SHANK2: variants seen among roughly 807,000 people sequenced by gnomAD.
SHANK2 encodes SH3 and multiple ankyrin repeat domains protein 2.
In SHANK2, 43 loss-of-function variants were observed where a neutral mutation model predicts 133.7. The observed-to-expected ratio is 0.32, with a 90% CI of 0.25 to 0.41. The LOEUF is 0.41. Ranked by LOEUF, SHANK2 falls within the 10% of genes least tolerant of loss-of-function variation. The pLI, the probability that SHANK2 is intolerant of heterozygous loss-of-function variation, is 1.00. For missense variants in SHANK2, 1,994 were observed against 2,235.8 expected, an observed-to-expected ratio of 0.89 and a Z score of 2.18; for synonymous variants, 1,017 against 952.8, an observed-to-expected ratio of 1.07 and a Z score of -1.24.
intron 14 of SHANK2, among the ~76,000 whole-genome samples, chr11:70,718,002 C>T (rs1284449174): frequency 6.6e-6 from 1 of 152,208 alleles, no homozygotes; most frequent in Non-Finnish European, 1.5e-5. Context: ...AAGCCCCAGA[C>T]TGGAGCCGCG....
chr11:70,718,576 T>C (rs568717614), intron 14 of SHANK2, among the ~76,000 whole-genome samples: 1 of 152,186 alleles, frequency 6.6e-6, no homozygotes, highest in Non-Finnish European at 1.5e-5. Flanking sequence ...CTGAGCCTCC[T>C]TCCAAATACC....
At chr11:70,931,921 A>C (rs1468915682) in intron 10 of SHANK2, among the ~76,000 whole-genome samples, 1 of 152,258 alleles carries the variant, frequency 6.6e-6, no homozygotes, top group Non-Finnish European at 1.5e-5. Context: ...AAGCCTGTAG[A>C]AATCCTAGCA....
intron 2 of SHANK2, among the ~76,000 whole-genome samples, chr11:71,189,074 G>T (rs549765996): frequency 2.0e-5 from 3 of 152,348 alleles, no homozygotes; most frequent in African/African-American, 7.2e-5. Flanking sequence ...GGCTCTCCGG[G>T]TTGGGTTGTG....
At position 70,486,707 on chromosome 11, in the gene SHANK2, C is replaced by T. The variant is rs1555153794; in HGVS notation, c.3586G>A (p.Ala1196Thr). 3 of 1,610,500 alleles carry T rather than the reference C, an allele frequency of 1.9e-6. No individual in the cohort carries two copies. Among genetic ancestry groups the T allele is most frequent in the Non-Finnish European group, 2.5e-6 (3 of 1,179,938 alleles). The stretch of plus-strand genomic sequence containing the variant: ...GGGTGGACATAATTCCCGGGGCCGG[C>T]TGTGCCGCTGCTCGCGGAGGGCACT... The part of the protein sequence containing the change: ...PAVPSASSGT[A>T]GPGNYVHPLT... The change falls in exon 25 of 26, where the codon GCC becomes ACC. Residue 1196 changes from alanine (A) to threonine (T), a missense_variant. Physicochemically the swap from Ala to Thr is moderately conservative, Grantham distance 58 (BLOSUM62 0). This residue lies in a region of SHANK2 where 797 missense variants were observed against 907.4 expected (regional missense o/e 0.88). Transcript: ENST00000601538. This position sits in a 1 kb window ranked among gnomAD's most constrained non-coding sequence, Gnocchi z 8.0.
At chr11:70,899,429 C>G (rs1949992677) in intron 10 of SHANK2, among the ~76,000 whole-genome samples, 1 of 152,194 alleles carries the variant, frequency 6.6e-6, no homozygotes, top group Non-Finnish European at 1.5e-5. Context: ...AACCTCTTTT[C>G]TTTATAAATC....
At chr11:70,616,329 G>A (rs1375408039) in intron 17 of SHANK2, among the ~76,000 whole-genome samples, 1 of 152,104 alleles carries the variant, frequency 6.6e-6, no homozygotes, top group Non-Finnish European at 1.5e-5. Flanking sequence ...TGGGCTGTCG[G>A]AACTGGCTCC....
At chr11:70,939,258 T>C (rs967273807) in intron 10 of SHANK2, among the ~76,000 whole-genome samples, 2 of 152,132 alleles carry the variant, frequency 1.3e-5, no homozygotes, top group Admixed American at 1.3e-4. Flanking sequence ...GCAGATCACC[T>C]GAGGTCAGGA....
intron 14 of SHANK2, among the ~76,000 whole-genome samples, chr11:70,725,412 G>A (rs1202662477): frequency 6.6e-6 from 1 of 152,244 alleles, no homozygotes. Flanking sequence ...ACATGGCGCT[G>A]AGGGCTTGCC....
chr11:70,531,254 G>C lies in SHANK2; in HGVS notation c.2062-28323C>G, dbSNP rs142429656. Among the ~76,000 whole-genome samples, 815 of 152,218 alleles carry C rather than the reference G, an allele frequency of 5.4e-3. 7 individuals carry two copies. Among genetic ancestry groups the C allele is most frequent in the African/African-American group, 0.019 (788 of 41,546 alleles). On this transcript the variant is annotated intron_variant, in intron 17 of 25. Coordinates refer to ENST00000601538, the MANE Select transcript of SHANK2 (RefSeq NM_012309.5). ...AAATAATAACTTTTTAAAAGGGAGA[G>C]GCATGGCCCAGGCCCAGGCGCCTCA...
chr11:71,146,018 T>G (rs532208135), intron 3 of SHANK2, among the ~76,000 whole-genome samples: 30 of 152,302 alleles, frequency 2.0e-4, no homozygotes, highest in Admixed American at 4.6e-4. Context: ...AACTCTTGGA[T>G]GTCTACCATG....
chr11:70,883,649 G>A (rs559104910), intron 11 of SHANK2, among the ~76,000 whole-genome samples: 2 of 152,264 alleles, frequency 1.3e-5, no homozygotes, highest in South Asian at 4.1e-4. Flanking sequence ...GCAGGACAGA[G>A]CAAAACTAGG....
At chr11:70,502,730 T>TGGGGGGGGGGG in intron 18 of SHANK2, 66 bp downstream of exon 18, 24 of 772,432 alleles carry the variant, frequency 3.1e-5, no homozygotes, top group East Asian at 5.3e-5. Flanking sequence ...CCAGCTGTCC[T>TGGGGGGGGGGG]GCCCGCCCCC....
At chr11:71,069,466 T>C (rs2135963062) in intron 9 of SHANK2, among the ~76,000 whole-genome samples, 1 of 152,134 alleles carries the variant, frequency 6.6e-6, no homozygotes, top group East Asian at 1.9e-4. Context: ...ATCGCCAGCC[T>C]CATGACGACC....
At chr11:71,183,211 G>T (rs2135552271) in intron 2 of SHANK2, among the ~76,000 whole-genome samples, 1 of 152,318 alleles carries the variant, frequency 6.6e-6, no homozygotes, top group Non-Finnish European at 1.5e-5. Flanking sequence ...CCCTGGATCA[G>T]GTAGCAAATG....
intron 15 of SHANK2, among the ~76,000 whole-genome samples, chr11:70,677,970 TCC>T (rs1944935228): frequency 6.6e-6 from 1 of 152,176 alleles, no homozygotes; most frequent in Non-Finnish European, 1.5e-5. Flanking sequence ...CACTGCCATT[TCC>T]CATGGTGTCC....
At chr11:71,097,843 C>T (rs191353820) in intron 6 of SHANK2, among the ~76,000 whole-genome samples, 34 of 152,362 alleles carry the variant, frequency 2.2e-4, no homozygotes, top group African/African-American at 7.5e-4. Context: ...AGCATGTGTA[C>T]GCCAGTGTAT....
intron 17 of SHANK2, among the ~76,000 whole-genome samples, chr11:70,625,027 C>G (rs2060885747): frequency 6.6e-6 from 1 of 152,162 alleles, no homozygotes; most frequent in South Asian, 2.1e-4. Flanking sequence ...CCAAGACCAC[C>G]CTCAGGTTTG....
At chr11:71,125,746 G>A (rs1311008655) in intron 3 of SHANK2, among the ~76,000 whole-genome samples, 2 of 152,116 alleles carry the variant, frequency 1.3e-5, no homozygotes, top group East Asian at 1.9e-4. Context: ...TAGACAAGAC[G>A]GTCTTCTATT....
intron 2 of SHANK2, among the ~76,000 whole-genome samples, chr11:71,212,228 TG>T (rs1454538616): frequency 6.6e-6 from 1 of 152,190 alleles, no homozygotes; most frequent in African/African-American, 2.4e-5. Context: ...ATGCTACAGT[TG>T]GGTCTTAGAG....
Sources: allele counts gnomAD v4.1 joint callset (sites outside exome capture counted in the v4.1 genomes callset), GRCh38; gene constraint gnomAD v4.1.1; regional missense constraint gnomAD v4.1.1; non-coding constraint Gnocchi (gnomAD v3.1); transcripts MANE v1.5; gene names NCBI Gene and HGNC (gene_info 2026-07-23, HGNC 2026-07-21).